TMEM161B: variants seen among roughly 807,000 people sequenced by gnomAD.
The protein encoded by TMEM161B is transmembrane protein 161B.
In TMEM161B, 34 loss-of-function variants were observed where a neutral mutation model predicts 61.8. The observed-to-expected ratio is 0.55, with a 90% CI of 0.42 to 0.73. The LOEUF is 0.73. Ranked by LOEUF, TMEM161B falls within the 30% of genes least tolerant of loss-of-function variation. TMEM161B has a pLI of 0.00. For missense variants in TMEM161B, 456 were observed against 558.5 expected, an observed-to-expected ratio of 0.82 and a Z score of 1.85; for synonymous variants, 167 against 192.8, an observed-to-expected ratio of 0.87 and a Z score of 1.11.
At chr5:88,238,635 C>T (rs192550741) in intron 2 of TMEM161B, among the ~76,000 whole-genome samples, 65 of 152,158 alleles carry the variant, frequency 4.3e-4, no homozygotes, top group African/African-American at 1.5e-3. Flanking sequence ...TTCAACCCAA[C>T]TGCATCATAT....
At chr5:88,206,887 G>A in intron 6 of TMEM161B, 142 bp downstream of exon 6, 6 of 656,318 alleles carry the variant, frequency 9.1e-6, no homozygotes, top group South Asian at 8.9e-5. Flanking sequence ...AATAATAAAG[G>A]TTAATTATTT....
downstream of TMEM161B, among the ~76,000 whole-genome samples, chr5:88,192,251 C>T (rs558831568): frequency 1.9e-4 from 29 of 151,064 alleles, no homozygotes; most frequent in African/African-American, 6.6e-4. Flanking sequence ...GAAAACAAAA[C>T]AAAAAACAAT....
chr5:88,247,551 T>C (rs1753770595), intron 1 of TMEM161B, among the ~76,000 whole-genome samples: 1 of 152,094 alleles, frequency 6.6e-6, no homozygotes, highest in Non-Finnish European at 1.5e-5. Flanking sequence ...CCTATTCATT[T>C]GTTTCTTGAC....
At chr5:88,263,951 C>T (rs1294376395) in intron 1 of TMEM161B, among the ~76,000 whole-genome samples, 2 of 152,162 alleles carry the variant, frequency 1.3e-5, no homozygotes, top group East Asian at 1.9e-4. Flanking sequence ...TGAATGTTTC[C>T]TCTAAAAGTT....
rs1561293806 is a variant in TMEM161B, at chr5:88,196,218, A to T, written c.1457T>A (p.Val486Glu). 3 of 1,603,572 alleles carry T rather than the reference A, an allele frequency of 1.9e-6. No individual in the cohort carries two copies. The highest frequency in any genetic ancestry group is 1.7e-5 in the Admixed American group (1 of 57,786). ...TTTTTTGTTAACTGAGATTCATGCC[A>T]CAGTCAGATACTGGTGATAGAAAAG... ...FGLFYHQYLT[V>E]A The change falls in exon 12 of 12, where the codon GTG becomes GAG. Residue 486 changes from valine (V) to glutamate (E), a missense_variant. Physicochemically the swap from Val to Glu is moderately radical, Grantham distance 121. Coordinates refer to ENST00000296595, the MANE Select transcript of TMEM161B (RefSeq NM_153354.5).
chr5:88,199,194 A>T (rs1750250924), intron 9 of TMEM161B, 44 bp from the exon 10 acceptor site: 1 of 1,541,014 alleles, frequency 6.5e-7, no homozygotes, highest in African/African-American at 1.4e-5. Context: ...AGACAACAAT[A>T]TGCTAGCATG....
intron 1 of TMEM161B, among the ~76,000 whole-genome samples, chr5:88,256,201 A>G (rs1394083985): frequency 6.6e-6 from 1 of 152,200 alleles, no homozygotes; most frequent in Non-Finnish European, 1.5e-5. Context: ...TCCACAGTTA[A>G]AAGAGGTTGA....
chr5:88,225,316 T>C (rs1749858905), intron 4 of TMEM161B, among the ~76,000 whole-genome samples: 1 of 152,116 alleles, frequency 6.6e-6, no homozygotes. Context: ...TGGTTAGCAG[T>C]AGGCTATTAG....
intron 1 of TMEM161B, among the ~76,000 whole-genome samples, chr5:88,259,853 T>C (rs1246460263): frequency 6.6e-6 from 1 of 152,206 alleles, no homozygotes; most frequent in African/African-American, 2.4e-5. Flanking sequence ...TTTCAAACAC[T>C]AGATTGAACT....
chr5:88,193,185 G>A (rs1287714221), downstream of TMEM161B, among the ~76,000 whole-genome samples: 1 of 152,096 alleles, frequency 6.6e-6, no homozygotes, highest in African/African-American at 2.4e-5. Flanking sequence ...GGGGGTAGGA[G>A]GAAGAATACA....
intron 4 of TMEM161B, among the ~76,000 whole-genome samples, chr5:88,224,688 C>T (rs1346564896): frequency 1.3e-5 from 2 of 152,074 alleles, no homozygotes; most frequent in African/African-American, 2.4e-5. Context: ...GATCCTTGAA[C>T]AATACAGTTT....
chr5:88,226,104 G>A (rs2112564563), intron 3 of TMEM161B, among the ~76,000 whole-genome samples: 1 of 152,226 alleles, frequency 6.6e-6, no homozygotes, highest in South Asian at 2.1e-4. Context: ...ACCTAAATTA[G>A]TTACTGCAAC....
intron 1 of TMEM161B, among the ~76,000 whole-genome samples, chr5:88,243,782 C>T (rs1753141079): frequency 6.6e-6 from 1 of 151,858 alleles, no homozygotes; most frequent in Non-Finnish European, 1.5e-5. Flanking sequence ...TTATTAACAG[C>T]CACCTTGACT....
intron 4 of TMEM161B, among the ~76,000 whole-genome samples, chr5:88,224,959 G>GTTTTTTTTTTTTTTTTTTTTTTTTTTT (rs202011902): frequency 4.0e-5 from 4 of 101,202 alleles, no homozygotes; most frequent in African/African-American, 7.7e-5. Context: ...CACAAAATAT[G>GTTTTTTTTTTTTTTTTTTTTTTTTTTT]TTTTTGTTTT....
At chr5:88,219,536 T>G (rs967720307) in intron 5 of TMEM161B, among the ~76,000 whole-genome samples, 1 of 151,944 alleles carries the variant, frequency 6.6e-6, no homozygotes, top group Non-Finnish European at 1.5e-5. Flanking sequence ...ATTTAAAGGG[T>G]AAATCTAGAA....
At chr5:88,259,160 T>G (rs1319915776) in intron 1 of TMEM161B, 1 of 152,150 alleles carries the variant, frequency 6.6e-6, no homozygotes, top group East Asian at 1.9e-4. Context: ...TTCCAAAAAT[T>G]TACAACATCC....
chr5:88,267,270 T>C (rs1756510989), intron 1 of TMEM161B, among the ~76,000 whole-genome samples: 1 of 152,152 alleles, frequency 6.6e-6, no homozygotes, highest in African/African-American at 2.4e-5. Flanking sequence ...AGTTCTGTTT[T>C]CCCTATCCTT....
At chr5:88,228,056 T>C (rs1462147138) in intron 3 of TMEM161B, among the ~76,000 whole-genome samples, 1 of 152,110 alleles carries the variant, frequency 6.6e-6, no homozygotes, top group African/African-American at 2.4e-5. Context: ...ATGAGGAAAC[T>C]GAGGCCAAGA....
At chr5:88,203,750 CATATATATATATAT>C (rs35091076) in intron 8 of TMEM161B, among the ~76,000 whole-genome samples, 72 of 93,726 alleles carry the variant, frequency 7.7e-4, no homozygotes, top group Non-Finnish European at 9.2e-4. Context: ...ATTTCCCTAT[CATATATATATATAT>C]ATATATATAT....
Sources: gnomAD v4.1 joint callset for allele counts (sites outside exome capture counted in the v4.1 genomes callset) on GRCh38, gnomAD v4.1.1 for gene constraint, MANE v1.5 for transcripts, NCBI Gene and HGNC (gene_info 2026-07-23, HGNC 2026-07-21) for gene names.